Variants in ASAP1 observed in about 807,000 individuals in gnomAD.
The protein encoded by ASAP1 is ArfGAP with SH3 domain, ankyrin repeat and PH domain 1, also known as arf-GAP with SH3 domain, ANK repeat and PH domain-containing protein 1.
In ASAP1, 43 loss-of-function variants were observed where a neutral mutation model predicts 145.2. That is an observed-to-expected ratio of 0.30 (90% CI 0.23 to 0.38). ASAP1 has a LOEUF of 0.38. Among genes scored for constraint, ASAP1 ranks in the 10% least tolerant of loss-of-function variants. ASAP1 has a pLI of 1.00. For missense variants in ASAP1, 1,018 were observed against 1,355.3 expected (o/e 0.75, Z 3.91); for synonymous variants, 546 against 515.5 (o/e 1.06, Z -0.80).
At chr8:130,068,544 T>C (rs2097435046) in intron 27 of ASAP1, among the ~76,000 whole-genome samples, 1 of 152,250 alleles carries the variant, frequency 6.6e-6, no homozygotes, top group South Asian at 2.1e-4. Context: ...GCAGTATCTT[T>C]GGTTTTAAAC....
chr8:130,319,455 A>T (rs1181442602), intron 3 of ASAP1, among the ~76,000 whole-genome samples: 1 of 152,198 alleles, frequency 6.6e-6, no homozygotes, highest in Non-Finnish European at 1.5e-5. Flanking sequence ...CAGGCCCTGA[A>T]TGAGGTAGTG....
intron 20 of ASAP1, among the ~76,000 whole-genome samples, chr8:130,117,886 ACTGT>A (rs1377322696): frequency 1.3e-5 from 2 of 152,218 alleles, no homozygotes; most frequent in Non-Finnish European, 2.9e-5. Context: ...TATCTGGTTC[ACTGT>A]CTGTTTTTAT....
intron 16 of ASAP1, among the ~76,000 whole-genome samples, chr8:130,127,620 C>G (rs1000331166): frequency 7.9e-5 from 12 of 152,088 alleles, no homozygotes; most frequent in Non-Finnish European, 1.0e-4. Context: ...GACAGTGATA[C>G]AAAATGTGGA....
intron 3 of ASAP1, among the ~76,000 whole-genome samples, chr8:130,286,264 G>A (rs1821605982): frequency 6.6e-6 from 1 of 152,104 alleles, no homozygotes; most frequent in African/African-American, 2.4e-5. Context: ...GGCGAAAACT[G>A]GGCCATAACA....
chr8:130,345,447 G>A (rs1284095362), intron 3 of ASAP1, among the ~76,000 whole-genome samples: 1 of 152,190 alleles, frequency 6.6e-6, no homozygotes, highest in Non-Finnish European at 1.5e-5. Flanking sequence ...TGCATGTCTT[G>A]TTTGTGTCTC....
At chr8:130,137,153 T>C in intron 13 of ASAP1, 115 bp from the exon 14 acceptor site, 2 of 837,842 alleles carry the variant, frequency 2.4e-6, no homozygotes, top group South Asian at 2.9e-5. Context: ...GGTACAAAAA[T>C]ACATTTTCAG....
intron 2 of ASAP1, among the ~76,000 whole-genome samples, chr8:130,378,873 C>A (rs955456447): frequency 1.3e-5 from 2 of 152,200 alleles, no homozygotes; most frequent in African/African-American, 4.8e-5. Context: ...CTGGGCAACT[C>A]ACAGTCACAG....
At chr8:130,367,732 T>C (rs1827023671) in intron 2 of ASAP1, among the ~76,000 whole-genome samples, 1 of 152,218 alleles carries the variant, frequency 6.6e-6, no homozygotes, top group Non-Finnish European at 1.5e-5. Context: ...TCCCCAGCTC[T>C]GCTTCAAAAC....
At chr8:130,399,868 GT>G (rs1554904661) in intron 2 of ASAP1, among the ~76,000 whole-genome samples, 1 of 55,264 alleles carries the variant, frequency 1.8e-5, no homozygotes, top group Non-Finnish European at 3.7e-5. Flanking sequence ...CCAGGCTGGA[GT>G]AGTACAATGG....
chr8:130,127,949 A>G lies in ASAP1; in HGVS notation c.1359T>C (p.Ile453=). The G allele has an allele frequency of 6.2e-7, 1 of 1,613,302 alleles. No individual in the cohort carries two copies. The highest frequency in any genetic ancestry group is 8.5e-7 in the Non-Finnish European group (1 of 1,179,798). ...AACCTGATGAGCCACAATCGCAGCA[A>G]ATGTCATTCCCTGGGAGCCGCTGGA... ...EDVQRLPGND[I]CCDCGSSEPT... Residue 453 remains isoleucine, a synonymous_variant, in exon 16 of 30, where the codon ATT becomes ATC. Transcript: ENST00000518721.
intron 1 of ASAP1, among the ~76,000 whole-genome samples, chr8:130,435,843 T>C (rs1830293067): frequency 6.6e-6 from 1 of 152,184 alleles, no homozygotes; most frequent in Admixed American, 6.5e-5. Flanking sequence ...TGGGTGTGAC[T>C]GTGGAATCCA....
chr8:130,305,900 C>T (rs1159875798), intron 3 of ASAP1, among the ~76,000 whole-genome samples: 1 of 152,178 alleles, frequency 6.6e-6, no homozygotes, highest in Non-Finnish European at 1.5e-5. Flanking sequence ...AAGAACTTCA[C>T]ATCACTATTT....
At chr8:130,260,021 T>C (rs1819799013) in intron 3 of ASAP1, among the ~76,000 whole-genome samples, 1 of 152,236 alleles carries the variant, frequency 6.6e-6, no homozygotes, top group South Asian at 2.1e-4. Context: ...TAACTTCCTA[T>C]TCTTTTTGAA....
chr8:130,060,432 A>C, intron 28 of ASAP1, 147 bp downstream of exon 28: 1 of 1,152,144 alleles, frequency 8.7e-7, no homozygotes, highest in Non-Finnish European at 1.2e-6. Flanking sequence ...CACAGGCTCT[A>C]ATCCACCATC....
chr8:130,133,620 C>T (rs1339617546), intron 15 of ASAP1, among the ~76,000 whole-genome samples: 3 of 151,440 alleles, frequency 2.0e-5, no homozygotes, highest in Non-Finnish European at 4.4e-5. Flanking sequence ...TGCGCCACTG[C>T]AGTCCGCAGT....
chr8:130,268,535 A>ACACACACACAC lies in ASAP1; in HGVS notation c.187-31542_187-31541insGTGTGTGTGTG, dbSNP rs5895041. ...CACACACACACACACACACACACAC[A>ACACACACACAC]ACTGTGTAACTATAGAGCAATATTT... On this transcript the variant is annotated intron_variant, in intron 3 of 29. Transcript: ENST00000518721. Among the ~76,000 whole-genome samples the ACACACACACAC allele has an allele frequency of 2.0e-5, 3 of 147,766 alleles. No individual in the cohort carries two copies. In the South Asian group the frequency reaches 6.4e-4, roughly 31 times the overall value.
chr8:130,151,893 T>G (rs1325697376), intron 13 of ASAP1, among the ~76,000 whole-genome samples: 1 of 152,236 alleles, frequency 6.6e-6, no homozygotes, highest in African/African-American at 2.4e-5. Flanking sequence ...CTTCCAATTC[T>G]GTGAGTAACT....
chr8:130,368,450 G>A (rs1231187893), intron 2 of ASAP1, among the ~76,000 whole-genome samples: 2 of 152,098 alleles, frequency 1.3e-5, no homozygotes, highest in Non-Finnish European at 2.9e-5. Context: ...TCCCCTTCTT[G>A]TAGGAACTAC....
chr8:130,415,409 A>G (rs1196490187), intron 1 of ASAP1, among the ~76,000 whole-genome samples: 1 of 152,206 alleles, frequency 6.6e-6, no homozygotes, highest in African/African-American at 2.4e-5. Context: ...TTGAGGCTGC[A>G]ATGACCTATG....
Sources: allele counts gnomAD v4.1 joint callset (sites outside exome capture counted in the v4.1 genomes callset), GRCh38; gene constraint gnomAD v4.1.1; transcripts MANE v1.5; gene names NCBI Gene and HGNC (gene_info 2026-07-23, HGNC 2026-07-21).